Variants in ZNF91 observed in about 807,000 individuals in gnomAD.
ZNF91 encodes the protein zinc finger protein 91 (HPF7, HTF10).
Under a neutral mutation model 12.6 loss-of-function variants are expected in ZNF91, and 7 were observed. The observed-to-expected ratio is 0.55, with a 90% CI of 0.31 to 1.04. The LOEUF is 1.04. Ranked by LOEUF, ZNF91 falls within the 50% of genes least tolerant of loss-of-function variation. The pLI is 0.05. For synonymous variants in ZNF91, 453 were observed against 462.6 expected (o/e 0.98, Z 0.27); for missense variants, 1,217 against 1,385.4 (o/e 0.88, Z 1.93).
At chr19:23,308,563 C>G (rs1372666085) in intron 2 of ZNF91, 4 of 152,134 alleles carry the variant, frequency 2.6e-5, no homozygotes, top group African/African-American at 9.7e-5. Flanking sequence ...TCTGCCTGGT[C>G]TCTGCCTAAA....
At chr19:23,342,084 A>G in intron 3 of ZNF91, 2 of 346,264 alleles carry the variant, frequency 5.8e-6, no homozygotes, top group African/African-American at 2.1e-5. Flanking sequence ...GAAGCAGAGC[A>G]TTCTATACCA....
At chr19:23,314,121 T>A (rs960991622), upstream of ZNF91, among the ~76,000 whole-genome samples, 3 of 152,146 alleles carry the variant, frequency 2.0e-5, no homozygotes, top group African/African-American at 7.2e-5. Context: ...TGTTTTTTAT[T>A]CTTTTGTCTT....
rs758749074 is a variant in ZNF91, at chr19:23,361,308, T to C, written c.1671A>G (p.Gln557=). 13 of 1,612,334 alleles carry C rather than the reference T, an allele frequency of 8.1e-6. No individual in the cohort carries two copies. The Admixed American group carries it at 1.7e-4, about 21-fold the overall frequency. The change falls in exon 4 of 4, where the codon CAA becomes CAG. Residue 557 remains glutamine, a synonymous_variant. Transcript: ENST00000300619. The part of the protein sequence containing the change: ...KCKECGKAFK[Q]FSTLTTHKII... ...TTTTATGTGTAGTAAGGGTTGAGAA[T>C]TGCTTAAAAGCTTTGCCACATTCTT...
Position 23,362,462 on chromosome 19 carries a change from T to C in ZNF91, c.517A>G (p.Thr173Ala). 11 of 1,607,554 alleles carry C rather than the reference T, an allele frequency of 6.8e-6. No individual in the cohort carries two copies. The highest frequency in any genetic ancestry group is 9.3e-6 in the Non-Finnish European group (11 of 1,178,136). Residue 173 changes from threonine to alanine, a missense_variant, in exon 4 of 4, where the codon ACG (threonine) becomes GCG (alanine). Coordinates refer to ENST00000300619, the MANE Select transcript of ZNF91 (RefSeq NM_003430.4). Reference protein sequence around the residue: ...FYKFLNSNRHTIRHTGKKCFK... With the variant: ...FYKFLNSNRHAIRHTGKKCFK... ...CATTTCTTTCCAGTATGTCTTATCG[T>C]ATGTCTGTTTGAATTTAAAAATTTA...
intron 3 of ZNF91, chr19:23,340,100 A>C (rs989274327): frequency 5.3e-5 from 8 of 152,112 alleles, no homozygotes; most frequent in African/African-American, 1.9e-4. Flanking sequence ...TAGAAAGCTT[A>C]CATATTAAGG....
chr19:23,348,001 A>T (rs1484774468), intron 3 of ZNF91, among the ~76,000 whole-genome samples: 1 of 152,234 alleles, frequency 6.6e-6, no homozygotes, highest in Admixed American at 6.5e-5. Context: ...TTGGACTGCC[A>T]ACATCCATCC....
At chr19:23,367,127 T>C (rs1402162102) in intron 3 of ZNF91, among the ~76,000 whole-genome samples, 1 of 152,192 alleles carries the variant, frequency 6.6e-6, no homozygotes, top group Non-Finnish European at 1.5e-5. Flanking sequence ...ACCCTATCCC[T>C]ACAAAATAAT....
At chr19:23,331,841 T>C (rs1476340755) in intron 1 of ZNF91, among the ~76,000 whole-genome samples, 1 of 152,214 alleles carries the variant, frequency 6.6e-6, no homozygotes, top group Admixed American at 6.5e-5. Flanking sequence ...AGATTATTAT[T>C]TATTTCATTA....
chr19:23,332,174 T>C (rs1237864640), intron 1 of ZNF91, among the ~76,000 whole-genome samples: 1 of 152,250 alleles, frequency 6.6e-6, no homozygotes, highest in Non-Finnish European at 1.5e-5. Context: ...GCTAGACCTA[T>C]TATTAATCGA....
intron 3 of ZNF91, among the ~76,000 whole-genome samples, chr19:23,366,885 C>A (rs1406857943): frequency 4.6e-5 from 7 of 152,300 alleles, no homozygotes; most frequent in Middle Eastern, 3.4e-3. Flanking sequence ...ATATTATAGA[C>A]CAACTAGGTT....
downstream of ZNF91, among the ~76,000 whole-genome samples, chr19:23,356,335 A>G (rs1463289022): frequency 6.6e-6 from 1 of 152,128 alleles, no homozygotes; most frequent in Non-Finnish European, 1.5e-5. Flanking sequence ...GTATATATAT[A>G]TAAATATATA....
At chr19:23,368,499 A>G (rs1969108670) in intron 3 of ZNF91, among the ~76,000 whole-genome samples, 1 of 146,292 alleles carries the variant, frequency 6.8e-6, no homozygotes. Context: ...TGGGTGACAG[A>G]GCGAAACTCC....
chr19:23,325,781 T>C (rs1248648306), intron 1 of ZNF91: 2 of 151,724 alleles, frequency 1.3e-5, no homozygotes, highest in Non-Finnish European at 3.0e-5. Flanking sequence ...TAAGTACCTC[T>C]TGAGTTAATT....
At chr19:23,330,319 A>G (rs1178323665) in intron 1 of ZNF91, among the ~76,000 whole-genome samples, 1 of 151,462 alleles carries the variant, frequency 6.6e-6, no homozygotes, top group Non-Finnish European at 1.5e-5. Flanking sequence ...CAGCAGAGCC[A>G]GACTTCGTCT....
At chr19:23,381,406 G>T (rs1386194734) in intron 1 of ZNF91, among the ~76,000 whole-genome samples, 1 of 151,264 alleles carries the variant, frequency 6.6e-6, no homozygotes, top group Non-Finnish European at 1.5e-5. Flanking sequence ...TAGAAACAAA[G>T]GTATGACAAC....
intron 1 of ZNF91, chr19:23,384,903 G>A (rs1019676677): frequency 9.8e-5 from 75 of 768,920 alleles, no homozygotes; most frequent in South Asian, 4.2e-4. Context: ...TATTGTCACC[G>A]GTGAACTTTA....
At chr19:23,323,595 C>CCTT (rs565361348) in intron 1 of ZNF91, among the ~76,000 whole-genome samples, 1 of 144,886 alleles carries the variant, frequency 6.9e-6, no homozygotes, top group South Asian at 2.3e-4. Flanking sequence ...TCCTCCTTTT[C>CCTT]CTTCTTTTCC....
In ZNF91 at chr19:23,348,493, C is replaced by G. The variant is rs531387155; in HGVS notation, c.254-9439G>C. On this transcript the variant is annotated intron_variant, in intron 3 of 3. Coordinates refer to the ZNF91 transcript ENST00000599743. The stretch of plus-strand genomic sequence containing the variant: ...ATCAATACTCTTATAATTTCCTATG[C>G]CTGTCTTTACTTTAATCTCTTAATC... 1.5e-3 allele frequency among the ~76,000 whole-genome samples: 230 copies of G among 152,268 alleles called. 13 individuals are homozygous for G. The South Asian group carries it at 0.046, about 30-fold the overall frequency.
intron 1 of ZNF91, chr19:23,384,620 C>T (rs762042985): frequency 4.0e-5 from 32 of 803,276 alleles, no homozygotes; most frequent in South Asian, 6.3e-5. Context: ...CCGATATCAT[C>T]AGTCCCCCTC....
Sources: gnomAD v4.1 joint callset for allele counts (sites outside exome capture counted in the v4.1 genomes callset) on GRCh38, gnomAD v4.1.1 for gene constraint, MANE v1.5 for transcripts, NCBI Gene and HGNC (gene_info 2026-07-23, HGNC 2026-07-21) for gene names.